GRID1: variants seen among roughly 807,000 people sequenced by gnomAD.
GRID1 encodes the protein glutamate receptor ionotropic, delta-1.
Under a neutral mutation model 98.0 loss-of-function variants are expected in GRID1, and 28 were observed. That is an observed-to-expected ratio of 0.29 (90% CI 0.21 to 0.39). The LOEUF (loss-of-function observed/expected upper bound fraction) is 0.39. Ranked by LOEUF, GRID1 falls within the 10% of genes least tolerant of loss-of-function variation. GRID1 has a pLI of 1.00. For missense variants in GRID1, 1,111 were observed against 1,340.5 expected (o/e 0.83, Z 2.67); for synonymous variants, 553 against 538.5 (o/e 1.03, Z -0.37).
At chr10:85,855,725 C>A (rs1174818178) in intron 7 of GRID1, among the ~76,000 whole-genome samples, 1 of 152,228 alleles carries the variant, frequency 6.6e-6, no homozygotes, top group African/African-American at 2.4e-5. Context: ...GGGTACCTTG[C>A]AGACACGGGA....
chr10:85,680,927 T>A (rs1365497585), intron 12 of GRID1, among the ~76,000 whole-genome samples: 1 of 152,142 alleles, frequency 6.6e-6, no homozygotes, highest in Non-Finnish European at 1.5e-5. Context: ...AAGTGAGAGC[T>A]AAATAGTGTG....
intron 8 of GRID1, among the ~76,000 whole-genome samples, chr10:85,760,397 T>C (rs1842136529): frequency 6.6e-6 from 1 of 152,198 alleles, no homozygotes; most frequent in African/African-American, 2.4e-5. Context: ...TTCTAGGTTG[T>C]TGGGAAAATT....
intron 4 of GRID1, among the ~76,000 whole-genome samples, chr10:86,004,477 T>C (rs1842835796): frequency 6.6e-6 from 1 of 152,132 alleles, no homozygotes; most frequent in Non-Finnish European, 1.5e-5. Context: ...CCTCTGACTT[T>C]GAGTAAAGCA....
At chr10:86,139,331 C>G (rs901775222) in intron 3 of GRID1, among the ~76,000 whole-genome samples, 2 of 152,164 alleles carry the variant, frequency 1.3e-5, no homozygotes, top group African/African-American at 4.8e-5. Context: ...TGGGCCCAAT[C>G]ACGGCAATTC....
At chr10:85,862,074 C>T (rs1053173323) in intron 6 of GRID1, among the ~76,000 whole-genome samples, 1 of 152,176 alleles carries the variant, frequency 6.6e-6, no homozygotes, top group Non-Finnish European at 1.5e-5. Flanking sequence ...AACTTCTTGC[C>T]TCTCACCCCT....
intron 5 of GRID1, among the ~76,000 whole-genome samples, chr10:85,880,499 T>G (rs1398345858): frequency 6.6e-6 from 1 of 152,114 alleles, no homozygotes; most frequent in Admixed American, 6.6e-5. Flanking sequence ...ATCCAGAATA[T>G]AAACAGAACC....
chr10:86,333,438 T>C (rs1848177550), intron 2 of GRID1, among the ~76,000 whole-genome samples: 1 of 152,170 alleles, frequency 6.6e-6, no homozygotes, highest in African/African-American at 2.4e-5. Context: ...AGGAAAGGAG[T>C]TGTGCTGGAG....
intron 4 of GRID1, among the ~76,000 whole-genome samples, chr10:85,956,449 G>C (rs1842194373): frequency 6.6e-6 from 1 of 152,322 alleles, no homozygotes; most frequent in East Asian, 1.9e-4. Flanking sequence ...CAACTTCAAA[G>C]AGGTGAGTTA....
At chr10:86,178,037 T>TTCAAGTGAGGAGGACTCTG (rs1845602185) in intron 3 of GRID1, among the ~76,000 whole-genome samples, 1 of 151,932 alleles carries the variant, frequency 6.6e-6, no homozygotes, top group Non-Finnish European at 1.5e-5. Context: ...GGTGTGAGTT[T>TTCAAGTGAGGAGGACTCTG]TCAAGTGAGG....
At chr10:86,070,990 C>T (rs1314416062) in intron 4 of GRID1, among the ~76,000 whole-genome samples, 1 of 152,190 alleles carries the variant, frequency 6.6e-6, no homozygotes, top group Admixed American at 6.5e-5. Context: ...CACCCTGACC[C>T]CAAGCTGACA....
At chr10:86,270,535 C>T (rs767176729) in intron 2 of GRID1, among the ~76,000 whole-genome samples, 3 of 151,984 alleles carry the variant, frequency 2.0e-5, no homozygotes, top group Non-Finnish European at 4.4e-5. Flanking sequence ...AGCAAAAACA[C>T]AAAAATTAGC....
intron 8 of GRID1, among the ~76,000 whole-genome samples, chr10:85,849,685 T>C (rs1009738877): frequency 6.6e-6 from 1 of 152,158 alleles, no homozygotes; most frequent in Non-Finnish European, 1.5e-5. Context: ...CCAGGAAATC[T>C]GCCTTCCAAG....
intron 12 of GRID1, among the ~76,000 whole-genome samples, chr10:85,706,101 G>T (rs192821087): frequency 1.3e-5 from 2 of 152,200 alleles, no homozygotes; most frequent in East Asian, 1.9e-4. Context: ...AGTGTTGGAA[G>T]TTCTGGCCAG....
At chr10:86,232,907 A>G (rs976258160) in intron 2 of GRID1, among the ~76,000 whole-genome samples, 6 of 152,174 alleles carry the variant, frequency 3.9e-5, no homozygotes, top group African/African-American at 1.4e-4. Context: ...CCAAGAGTTA[A>G]AAAGTTGAAG....
At chr10:85,616,099 A>G (rs1842785144) in intron 14 of GRID1, among the ~76,000 whole-genome samples, 1 of 152,222 alleles carries the variant, frequency 6.6e-6, no homozygotes, top group Non-Finnish European at 1.5e-5. Context: ...AGAGCTCCAT[A>G]AAAGCTGGTT....
intron 8 of GRID1, among the ~76,000 whole-genome samples, chr10:85,805,207 C>T (rs1299057006): frequency 1.3e-5 from 2 of 151,708 alleles, no homozygotes; most frequent in African/African-American, 4.8e-5. Flanking sequence ...TATCTGTCTA[C>T]ACACCATTAG....
intron 5 of GRID1, among the ~76,000 whole-genome samples, chr10:85,878,706 C>A (rs1169552439): frequency 2.0e-5 from 3 of 152,300 alleles, no homozygotes; most frequent in African/African-American, 7.2e-5. Context: ...GAATAAACTG[C>A]ATCAACTAAC....
Position 86,304,447 on chromosome 10 carries a change from G to A in GRID1, c.235+59494C>T, listed in dbSNP as rs566322346. 8.7e-4 allele frequency among the ~76,000 whole-genome samples: 132 copies of A among 152,330 alleles called. 1 individual carries two copies. The highest frequency in any genetic ancestry group is 2.9e-3 in the African/African-American group (121 of 41,570). ...CTGGCTCTGCTGCTGGGGTTCCACA[G>A]AAGAACACTTCTGCTCCTGGACCTC... is the stretch of plus-strand genomic sequence containing the variant. On this transcript the variant is annotated intron_variant, in intron 2 of 15. Transcript: ENST00000327946.
intron 8 of GRID1, among the ~76,000 whole-genome samples, chr10:85,733,580 A>G (rs575653285): frequency 1.3e-5 from 2 of 152,346 alleles, no homozygotes; most frequent in African/African-American, 4.8e-5. Context: ...TATACAAAAA[A>G]ATACAGAAAA....
Sources: gnomAD v4.1 joint callset for allele counts (sites outside exome capture counted in the v4.1 genomes callset) on GRCh38, gnomAD v4.1.1 for gene constraint, MANE v1.5 for transcripts, NCBI Gene and HGNC (gene_info 2026-07-23, HGNC 2026-07-21) for gene names.